The following MICAL1 variants were observed in gnomAD, a reference collection of about 807,000 sequenced individuals.
The protein encoded by MICAL1 is microtubule associated monooxygenase, calponin and LIM domain containing 1.
In MICAL1, 95 loss-of-function variants were observed where a neutral mutation model predicts 131.8. That is an observed-to-expected ratio of 0.72 (90% CI 0.61 to 0.86). The LOEUF is 0.86. Ranked by LOEUF, MICAL1 falls within the 40% of genes least tolerant of loss-of-function variation. The probability of loss-of-function intolerance (pLI) is 0.00; values close to 1 mark genes in which losing one functional copy is unlikely to be tolerated. For missense variants in MICAL1, 1,292 were observed against 1,380.6 expected, an observed-to-expected ratio of 0.94 and a Z score of 1.02; for synonymous variants, 546 against 554.2, an observed-to-expected ratio of 0.99 and a Z score of 0.21.
At position 109,455,245 on chromosome 6, in the gene MICAL1, A is replaced by G. The variant is rs886281702; in HGVS notation, c.-44+474T>C. Among the ~76,000 whole-genome samples, 8 of 152,156 alleles carry G rather than the reference A, an allele frequency of 5.3e-5. No individual in the cohort carries two copies. Among genetic ancestry groups the G allele is most frequent in the African/African-American group, 1.9e-4 (8 of 41,440 alleles). ...GAGGGTGAATGGCAGCAGTGGGGGC[A>G]GGTCCCTGAGGCTCAGGCCCCTCCA... On this transcript the variant is annotated intron_variant, in intron 1 of 24. Transcript: ENST00000358807. The surrounding 1 kb of genome is among the most constrained non-coding windows in gnomAD (Gnocchi z 4.7).
At chr6:109,463,815 T>C (rs576071101) in intron 1 of MICAL1, 2 of 152,354 alleles carry the variant, frequency 1.3e-5, no homozygotes, top group South Asian at 4.1e-4. Flanking sequence ...AAATAAACTT[T>C]TATTAACATT....
rs561825012 is a variant in MICAL1 at position 109,452,538 on chromosome 6, C to A, written c.649G>T (p.Ala217Ser). ...TCAGGGACGAATTTACCTCCTGCAG[C>A]CGAGATAAGGACGTCAAATTCATAG... ...ANYEFDVLIS[A>S]AGGKFVPEGF... Residue 217 changes from alanine (A) to serine (S), a missense_variant, in exon 5 of 25, where the codon GCT (alanine) becomes TCT (serine). Transcript: ENST00000358807. 226 of 1,613,948 alleles carry A rather than the reference C, an allele frequency of 1.4e-4. 6 individuals carry two copies. In the South Asian group the frequency reaches 2.2e-3, roughly 16 times the overall value.
chr6:109,453,428 A>C, intron 3 of MICAL1, 61 bp from the exon 4 acceptor site: 1 of 1,569,102 alleles, frequency 6.4e-7, no homozygotes, highest in Non-Finnish European at 8.7e-7. Context: ...CCCATGTACC[A>C]GTGTGTGCCT....
chr6:109,444,542 A>T (rs1449335877), intron 24 of MICAL1, among the ~76,000 whole-genome samples, 183 bp downstream of exon 24: 1 of 152,206 alleles, frequency 6.6e-6, no homozygotes. Flanking sequence ...ACAAAAGCCA[A>T]CTGTGCAGCT....
intron 14 of MICAL1, 72 bp downstream of exon 14, chr6:109,447,803 C>T (rs889065141): frequency 2.5e-5 from 40 of 1,611,670 alleles, no homozygotes; most frequent in Non-Finnish European, 3.1e-5. Flanking sequence ...TCACCATCAC[C>T]CCAGGATCTC....
chr6:109,451,496 G>T (rs957369370), intron 7 of MICAL1, 104 bp downstream of exon 7: 1 of 1,370,148 alleles, frequency 7.3e-7, no homozygotes, highest in African/African-American at 1.4e-5. Context: ...GACAAAGGCA[G>T]GAGAGGACGG....
rs377215423 is a variant in MICAL1, at chr6:109,448,005, A to G, written c.1856-42T>C. 14 of 1,550,516 alleles carry G rather than the reference A, an allele frequency of 9.0e-6. No individual in the cohort carries two copies. In the Admixed American group the frequency reaches 1.7e-4, roughly 18 times the overall value. Reference sequence around the variant, plus strand: ...GGCATCAGTGTGGATGGGGGGTGCCAATACTGTACTCTCAGAACAGACAGT... The same window carrying G: ...GGCATCAGTGTGGATGGGGGGTGCCGATACTGTACTCTCAGAACAGACAGT... On this transcript the variant is annotated intron_variant, in intron 13 of 24. Coordinates refer to ENST00000358807, the MANE Select transcript of MICAL1 (RefSeq NM_022765.4).
At position 109,444,906 on chromosome 6, in the gene MICAL1, GCTCGGC is replaced by G; in HGVS notation, c.2965_2970del (p.Ala989_Glu990del). 1 of 1,614,180 alleles carries G rather than the reference GCTCGGC, an allele frequency of 6.2e-7. No individual in the cohort carries two copies. Among genetic ancestry groups the G allele is most frequent in the Non-Finnish European group, 8.5e-7 (1 of 1,180,038 alleles). On this transcript the variant is annotated inframe_deletion, in exon 23 of 25. Coordinates refer to ENST00000358807, the MANE Select transcript of MICAL1 (RefSeq NM_022765.4). ...TCCCCTTCCCCTTACGTGATCATGA[GCTCGGC>G]CTCCTCAGCCACCAGGCTGTTTTTC...
chr6:109,450,983 C>T (rs1454945825), intron 7 of MICAL1, among the ~76,000 whole-genome samples: 1 of 152,056 alleles, frequency 6.6e-6, no homozygotes, highest in Non-Finnish European at 1.5e-5. Context: ...ACATACCGAG[C>T]GCTTACTATG....
At chr6:109,457,388 G>C (rs1230037745), upstream of MICAL1, among the ~76,000 whole-genome samples, 1 of 151,098 alleles carries the variant, frequency 6.6e-6, no homozygotes, top group Non-Finnish European at 1.5e-5. Flanking sequence ...GGGTTACCCT[G>C]GGCTCCACCA....
intron 1 of MICAL1, chr6:109,463,611 ATC>A (rs755603393): frequency 6.6e-6 from 1 of 152,228 alleles, no homozygotes; most frequent in African/African-American, 2.4e-5. Flanking sequence ...TGATATGAGA[ATC>A]TGTTTTCAAC....
chr6:109,446,706 G>C lies in MICAL1; in HGVS notation c.2294C>G (p.Pro765Arg), dbSNP rs1775239227. The part of the protein sequence containing the change: ...DHKAEGSDRG[P>R]ESPELPTPSE... ...GCCTTCAGTCTTTACCGGACTCTCA[G>C]GGCCTCTATCGCTGCCTTCCGCTTT... Residue 765 changes from proline to arginine, a missense_variant, in exon 18 of 25, where the codon CCT (proline) becomes CGT (arginine). Physicochemically the swap from Pro to Arg is moderately radical, Grantham distance 103. Transcript: ENST00000358807. 3.7e-6 allele frequency: 6 copies of C among 1,613,724 alleles called. No homozygotes were observed. Among genetic ancestry groups the C allele is most frequent in the Non-Finnish European group, 5.1e-6 (6 of 1,179,814 alleles).
At chr6:109,447,534 GGAGT>G (rs1469302474) in intron 15 of MICAL1, 94 bp from the exon 16 acceptor site, 2 of 1,520,598 alleles carry the variant, frequency 1.3e-6, no homozygotes, top group East Asian at 2.3e-5. Context: ...GAAGGGAAGG[GGAGT>G]GAGACTAGGC....
upstream of MICAL1, among the ~76,000 whole-genome samples, chr6:109,456,790 A>G (rs930903093): frequency 6.6e-6 from 1 of 152,174 alleles, no homozygotes; most frequent in Non-Finnish European, 1.5e-5. Context: ...AGTGCTTGCA[A>G]CAGTCCCATT....
chr6:109,447,669 G>T lies in MICAL1; in HGVS notation c.1986+12C>A. On this transcript the variant is annotated intron_variant, in intron 15 of 24. Coordinates refer to ENST00000358807, the MANE Select transcript of MICAL1 (RefSeq NM_022765.4). ...TGGGGTAGGAGACCGACCCGCCCCT[G>T]CCTGCATTCACCTCCAAGCGCAGCT... 1 of 1,613,954 alleles carries T rather than the reference G, an allele frequency of 6.2e-7. No homozygotes were observed. The highest frequency in any genetic ancestry group is 8.5e-7 in the Non-Finnish European group (1 of 1,179,954).
chr6:109,448,387 G>A lies in MICAL1; in HGVS notation c.1671C>T (p.Pro557=), dbSNP rs753509689. Residue 557 remains proline (P), a synonymous_variant, in exon 13 of 25, where the codon CCC becomes CCT. Coordinates refer to ENST00000358807, the MANE Select transcript of MICAL1 (RefSeq NM_022765.4). ...GAGCTCCCAGCCCCTGCAGCTCTGA[G>A]GGTTCCCTGTGGGATGTCAGGGAGA... The part of the protein sequence containing the change: ...VYRLQPGLLE[P]SELQGLGALE... 16 of 1,613,238 alleles carry A rather than the reference G, an allele frequency of 9.9e-6. No individual in the cohort carries two copies. The highest frequency in any genetic ancestry group is 1.3e-5 in the African/African-American group (1 of 74,914).
At chr6:109,445,084 G>A (rs1350423457) in intron 22 of MICAL1, 89 bp from the exon 23 acceptor site, 2 of 1,569,228 alleles carry the variant, frequency 1.3e-6, no homozygotes, top group South Asian at 1.1e-5. Context: ...GGAGAGCCGG[G>A]TGTCACAGGT....
At position 109,447,191 on chromosome 6, in the gene MICAL1, G is replaced by A; in HGVS notation, c.2109C>T (p.His703=). 6.2e-7 allele frequency: 1 copy of A among 1,614,122 alleles called. No individual in the cohort carries two copies. The highest frequency in any genetic ancestry group is 1.1e-5 in the South Asian group (1 of 91,084). ...AGDLCALCGE[H]LYVLERLCVN... ...CACAGAGGCGTTCCAGGACATAGAG[G>A]TGTTCCCCACAAAGTGCACACAGGT... The change falls in exon 17 of 25, where the codon CAC becomes CAT. Residue 703 remains histidine, a synonymous_variant. Coordinates refer to ENST00000358807, the MANE Select transcript of MICAL1 (RefSeq NM_022765.4).
intron 1 of MICAL1, among the ~76,000 whole-genome samples, chr6:109,462,022 TCACTCAGATG>T (rs113856294): frequency 0.077 from 11,786 of 152,246 alleles, 1,195 homozygotes; most frequent in African/African-American, 0.24. Context: ...GCTCCCCTCC[TCACTCAGATG>T]CCAGTTGTTA....
Sources: allele counts gnomAD v4.1 joint callset (sites outside exome capture counted in the v4.1 genomes callset), GRCh38; gene constraint gnomAD v4.1.1; non-coding constraint Gnocchi (gnomAD v3.1); transcripts MANE v1.5; gene names NCBI Gene and HGNC (gene_info 2026-07-23, HGNC 2026-07-21).